Variants in ARSG observed in about 807,000 individuals in gnomAD.
ARSG encodes the protein ASG.
In ARSG, 37 loss-of-function variants were observed where a neutral mutation model predicts 50.5. That is an observed-to-expected ratio of 0.73 (90% CI 0.56 to 0.96). The LOEUF (loss-of-function observed/expected upper bound fraction) is 0.96, where lower values mean the gene tolerates loss of function less well. Ranked by LOEUF, ARSG falls within the 50% of genes least tolerant of loss-of-function variation. ARSG has a pLI of 0.00. For synonymous variants in ARSG, 225 were observed against 254.6 expected, an observed-to-expected ratio of 0.88 and a Z score of 1.11; for missense variants, 629 against 675.3, an observed-to-expected ratio of 0.93 and a Z score of 0.76.
intron 11 of ARSG, among the ~76,000 whole-genome samples, chr17:68,402,441 C>T (rs916551317): frequency 2.0e-5 from 3 of 151,880 alleles, no homozygotes; most frequent in Admixed American, 2.0e-4. Context: ...GACTGTATTT[C>T]GTCATATTGG....
At chr17:68,384,389 T>C (rs1236395397) in intron 8 of ARSG, among the ~76,000 whole-genome samples, 1 of 152,180 alleles carries the variant, frequency 6.6e-6, no homozygotes, top group East Asian at 1.9e-4. Context: ...ATAATTCCTT[T>C]AATAACCAAG....
At chr17:68,285,573 G>A (rs1465033186) in intron 1 of ARSG, 3 of 152,302 alleles carry the variant, frequency 2.0e-5, no homozygotes, top group Non-Finnish European at 2.9e-5. Flanking sequence ...GGGAGGCTGC[G>A]GTGGGAGAAC....
chr17:68,298,439 A>G (rs1451720428), intron 1 of ARSG, among the ~76,000 whole-genome samples: 1 of 151,956 alleles, frequency 6.6e-6, no homozygotes, highest in African/African-American at 2.4e-5. Flanking sequence ...TACTAAAAAT[A>G]TAAAAATTAG....
Position 68,379,421 on chromosome 17 carries a change from A to ATTTTTTTTTTTT in ARSG, c.983-5625_983-5614dup, listed in dbSNP as rs375841879. ...GTGCCACCATGCCTGGAACACTACA[A>ATTTTTTTTTTTT]TTTTTTTTTTTTTTTTTTTTTTTTT... On this transcript the variant is annotated intron_variant, in intron 8 of 11. Coordinates refer to ENST00000621439, the MANE Select transcript of ARSG (RefSeq NM_001267727.2). Among the ~76,000 whole-genome samples the ATTTTTTTTTTTT allele has an allele frequency of 1.8e-4, 13 of 72,268 alleles. 2 individuals carry two copies. Among genetic ancestry groups the ATTTTTTTTTTTT allele is most frequent in the African/African-American group, 8.2e-4 (13 of 15,828 alleles). The allele number at this position is 72,268 out of a possible 152,430, so 47.4% of individuals were successfully genotyped here.
At chr17:68,426,254 G>GGGCCCCCCCCCCCCCCCCCCCCCC, downstream of ARSG, 1 of 816,924 alleles carries the variant, frequency 1.2e-6, no homozygotes, top group Non-Finnish European at 1.9e-6. Flanking sequence ...GGGAGCGGGG[G>GGGCCCCCCCCCCCCCCCCCCCCCC]CTCAAATAAA....
At chr17:68,318,762 C>T (rs568754901) in intron 2 of ARSG, among the ~76,000 whole-genome samples, 2 of 152,318 alleles carry the variant, frequency 1.3e-5, no homozygotes, top group Non-Finnish European at 2.9e-5. Context: ...AATGCTGCTG[C>T]TGCTAGGAGT....
At position 68,352,109 on chromosome 17, in the gene ARSG, G is replaced by C. The variant is rs796383794; in HGVS notation, c.566+423G>C. 6.5e-3 allele frequency among the ~76,000 whole-genome samples: 814 copies of C among 125,328 alleles called. 43 individuals are homozygous for C. The highest frequency in any genetic ancestry group is 0.036 in the Admixed American group (391 of 10,878). The allele number at this position is 125,328 out of a possible 152,430, so 82.2% of individuals were successfully genotyped here. On this transcript the variant is annotated intron_variant, in intron 5 of 11. Coordinates refer to ENST00000621439, the MANE Select transcript of ARSG (RefSeq NM_001267727.2). ...CAGAGGAGAGAGAGAGAGAGAGAGA[G>C]AGAGACAGAGGAGAGAGAGAGAGAG...
chr17:68,285,975 G>A (rs1366129394), intron 1 of ARSG, among the ~76,000 whole-genome samples: 4 of 152,088 alleles, frequency 2.6e-5, no homozygotes, highest in African/African-American at 7.2e-5. Flanking sequence ...TGGCCAGGCC[G>A]GTCTGGAACT....
chr17:68,374,172 A>G (rs116072951), intron 8 of ARSG, among the ~76,000 whole-genome samples: 8 of 150,532 alleles, frequency 5.3e-5, no homozygotes, highest in African/African-American at 1.2e-4. Flanking sequence ...AAAAAAAAAA[A>G]AAAGAAACAA....
chr17:68,445,979 A>C, the ARSG span, among the ~76,000 whole-genome samples: 1 of 152,196 alleles, frequency 6.6e-6, no homozygotes, highest in Admixed American at 6.5e-5. Flanking sequence ...CTGAGGCTCA[A>C]GAACCACTGG....
At chr17:68,357,349 C>T (rs982571862) in intron 6 of ARSG, among the ~76,000 whole-genome samples, 3 of 152,170 alleles carry the variant, frequency 2.0e-5, no homozygotes, top group Admixed American at 2.0e-4. Flanking sequence ...AGGATTCCTT[C>T]CTTGCCTTTT....
intron 8 of ARSG, among the ~76,000 whole-genome samples, chr17:68,383,427 C>G (rs2080536101): frequency 6.6e-6 from 1 of 152,214 alleles, no homozygotes; most frequent in African/African-American, 2.4e-5. Context: ...TTCCTGGAAC[C>G]ACAGCCGTGA....
chr17:68,358,876 A>C (rs2079154802), intron 6 of ARSG, among the ~76,000 whole-genome samples: 1 of 151,602 alleles, frequency 6.6e-6, no homozygotes, highest in Non-Finnish European at 1.5e-5. Context: ...AAAAACCCCC[A>C]AAACCGGCTG....
intron 8 of ARSG, among the ~76,000 whole-genome samples, chr17:68,384,558 A>C (rs1275132779): frequency 6.6e-6 from 1 of 152,210 alleles, no homozygotes; most frequent in Non-Finnish European, 1.5e-5. Flanking sequence ...AATCCATGCC[A>C]GATCGGTTCT....
chr17:68,271,755 T>C lies in ARSG; in HGVS notation c.-552+12329T>C. The C allele has an allele frequency of 2.3e-6, 2 of 883,714 alleles. No individual in the cohort carries two copies. Among genetic ancestry groups the C allele is most frequent in the Non-Finnish European group, 3.5e-6 (2 of 578,566 alleles). 54.7% of individuals were successfully genotyped at this position (883,714 alleles called of 1,614,324 possible). ...AGAAATATGGATCCAGATTTTGTTA[T>C]AAGTTCTGTGGAAATTTATTATACT... On this transcript the variant is annotated intron_variant, in intron 1 of 11. Coordinates refer to the ARSG transcript ENST00000448504. This position sits in a 1 kb window ranked among gnomAD's most constrained non-coding sequence, Gnocchi z 5.3.
At chr17:68,278,401 A>G (rs1474505824) in intron 1 of ARSG, 1 of 889,948 alleles carries the variant, frequency 1.1e-6, no homozygotes, top group Non-Finnish European at 1.8e-6. Context: ...TCTTAAGCAA[A>G]CAACAGATAA....
chr17:68,383,224 G>C (rs2080525199), intron 8 of ARSG, among the ~76,000 whole-genome samples: 1 of 152,124 alleles, frequency 6.6e-6, no homozygotes, highest in Admixed American at 6.5e-5. Flanking sequence ...TCCCTAATTG[G>C]TGAAGACCAA....
upstream of ARSG, among the ~76,000 whole-genome samples, chr17:68,289,163 TAGTG>T (rs2075909123): frequency 6.6e-6 from 1 of 152,042 alleles, no homozygotes; most frequent in Non-Finnish European, 1.5e-5. Flanking sequence ...CCGGGCAACA[TAGTG>T]AGGCTGTGTC....
intron 10 of ARSG, among the ~76,000 whole-genome samples, chr17:68,400,757 T>C (rs776476803): frequency 3.3e-5 from 5 of 152,232 alleles, no homozygotes; most frequent in Non-Finnish European, 7.3e-5. Context: ...TTGCATTTTG[T>C]TGTGGACTTT....
Sources: allele counts gnomAD v4.1 joint callset (sites outside exome capture counted in the v4.1 genomes callset), GRCh38; gene constraint gnomAD v4.1.1; non-coding constraint Gnocchi (gnomAD v3.1); transcripts MANE v1.5; gene names NCBI Gene and HGNC (gene_info 2026-07-23, HGNC 2026-07-21).